Variants in DLG2 observed in about 807,000 individuals in gnomAD.
The protein encoded by DLG2 is disks large homolog 2.
In DLG2, 45 loss-of-function variants were observed where a neutral mutation model predicts 132.5. The ratio of observed to expected loss-of-function variants is 0.34; its 90% confidence interval spans 0.27 to 0.44. DLG2 has a LOEUF of 0.44. DLG2 is among the 20% of genes least tolerant of loss of function. The pLI is 1.00. For synonymous variants in DLG2, 424 were observed against 419.6 expected (o/e 1.01, Z -0.13); for missense variants, 1,045 against 1,196.9 (o/e 0.87, Z 1.87).
intron 6 of DLG2, among the ~76,000 whole-genome samples, chr11:85,032,159 A>G (rs898263173): frequency 6.6e-6 from 1 of 151,990 alleles, no homozygotes; most frequent in Non-Finnish European, 1.5e-5. Flanking sequence ...CAAGTTTATC[A>G]ATGTTGAAGT....
intron 3 of DLG2, among the ~76,000 whole-genome samples, chr11:85,557,454 A>G (rs940160799): frequency 2.0e-5 from 3 of 151,888 alleles, no homozygotes; most frequent in Non-Finnish European, 4.4e-5. Context: ...AGAAAAAACT[A>G]TCCTAAAATT....
chr11:84,327,624 T>TA (rs752741831), intron 7 of DLG2, among the ~76,000 whole-genome samples: 1 of 152,174 alleles, frequency 6.6e-6, no homozygotes, highest in Non-Finnish European at 1.5e-5. Flanking sequence ...GAAGCTTACA[T>TA]AAGACATCTT....
chr11:85,002,828 C>T (rs992667030), intron 6 of DLG2, among the ~76,000 whole-genome samples: 29 of 151,854 alleles, frequency 1.9e-4, no homozygotes, highest in African/African-American at 6.8e-4. Flanking sequence ...CAAGACCGAC[C>T]TTCCTTTTCT....
At chr11:84,520,723 G>A (rs574379862) in intron 7 of DLG2, among the ~76,000 whole-genome samples, 83 of 152,308 alleles carry the variant, frequency 5.4e-4, no homozygotes, top group Admixed American at 9.2e-4. Flanking sequence ...GGAAATAGAA[G>A]TTGAGGTGGA....
chr11:83,576,303 C>A (rs537494011), intron 19 of DLG2, among the ~76,000 whole-genome samples: 2 of 152,008 alleles, frequency 1.3e-5, no homozygotes, highest in South Asian at 2.1e-4. Context: ...ACTAATAGAC[C>A]TCTAATTGGA....
Position 83,466,779 on chromosome 11 carries a change from G to C in DLG2, c.2658C>G (p.Ile886Met), listed in dbSNP as rs1306114098. ...HCILDVSGNA[I>M]KRLQVAQLYP... ...AGAGCTGGGCAACTTGTAACCGCTT[G>C]ATAGCATTTCCTGATACATCAAGTA... The change falls in exon 26 of 28, where the codon ATC becomes ATG. Residue 886 changes from isoleucine to methionine, a missense_variant. Around this residue, in one of 4 missense-constraint regions of DLG2, gnomAD observed 398 missense variants for 543.6 expected, o/e 0.73. Transcript: ENST00000376104. 1 of 1,613,726 alleles carries C rather than the reference G, an allele frequency of 6.2e-7. No homozygotes were observed. The highest frequency in any genetic ancestry group is 8.5e-7 in the Non-Finnish European group (1 of 1,179,690).
intron 6 of DLG2, among the ~76,000 whole-genome samples, chr11:84,981,267 G>A (rs910105755): frequency 2.0e-5 from 3 of 152,112 alleles, no homozygotes; most frequent in Admixed American, 2.0e-4. Flanking sequence ...ATTACTATCT[G>A]TGCAGAAAGA....
intron 19 of DLG2, among the ~76,000 whole-genome samples, chr11:83,573,483 A>G (rs2096831222): frequency 1.3e-5 from 2 of 152,156 alleles, no homozygotes. Flanking sequence ...TACTAAAATG[A>G]TTCTGATGAA....
intron 7 of DLG2, among the ~76,000 whole-genome samples, chr11:84,527,986 T>C (rs566362000): frequency 1.3e-4 from 20 of 150,500 alleles, no homozygotes; most frequent in African/African-American, 3.4e-4. Context: ...GGCCCCATAG[T>C]TTTAAGTTTG....
At chr11:83,652,741 G>A (rs2070972894) in intron 18 of DLG2, among the ~76,000 whole-genome samples, 1 of 152,146 alleles carries the variant, frequency 6.6e-6, no homozygotes, top group Non-Finnish European at 1.5e-5. Flanking sequence ...TGACACCTGA[G>A]GGTAGCCCTT....
chr11:83,569,643 G>C (rs1474872452), intron 19 of DLG2, among the ~76,000 whole-genome samples: 3 of 152,210 alleles, frequency 2.0e-5, no homozygotes, highest in Non-Finnish European at 4.4e-5. Context: ...GAGGCAGAGA[G>C]AGTCAAACCC....
chr11:84,825,435 C>T (rs1392432686), intron 6 of DLG2, among the ~76,000 whole-genome samples: 1 of 151,748 alleles, frequency 6.6e-6, no homozygotes, highest in African/African-American at 2.4e-5. Context: ...TTTTAATGAC[C>T]CTGTTTCTTC....
At chr11:85,496,710 T>C (rs1192661372) in intron 3 of DLG2, among the ~76,000 whole-genome samples, 4 of 152,050 alleles carry the variant, frequency 2.6e-5, no homozygotes, top group Non-Finnish European at 5.9e-5. Flanking sequence ...CCCTCTCAGA[T>C]GAAGCTCTCA....
At chr11:85,210,611 G>C (rs1268440941) in intron 4 of DLG2, among the ~76,000 whole-genome samples, 1 of 151,952 alleles carries the variant, frequency 6.6e-6, no homozygotes, top group East Asian at 1.9e-4. Flanking sequence ...GAACTTTCTT[G>C]GGGAGCAAAT....
intron 7 of DLG2, among the ~76,000 whole-genome samples, chr11:84,403,933 T>C (rs186412101): frequency 2.6e-5 from 4 of 152,328 alleles, no homozygotes; most frequent in African/African-American, 9.6e-5. Context: ...CCATTCATCC[T>C]TTTCCAACAT....
chr11:84,537,458 T>C (rs1453656363), intron 6 of DLG2, among the ~76,000 whole-genome samples: 1 of 152,216 alleles, frequency 6.6e-6, no homozygotes, highest in Non-Finnish European at 1.5e-5. Flanking sequence ...AAAATAAATA[T>C]AAACAAACTA....
At chr11:84,862,623 T>C (rs972611476) in intron 6 of DLG2, among the ~76,000 whole-genome samples, 3 of 151,932 alleles carry the variant, frequency 2.0e-5, no homozygotes, top group East Asian at 1.9e-4. Flanking sequence ...ATAGACACCA[T>C]AGAATAGCAT....
intron 19 of DLG2, among the ~76,000 whole-genome samples, chr11:83,588,077 A>T (rs1593891375): frequency 6.6e-6 from 1 of 152,208 alleles, no homozygotes; most frequent in Non-Finnish European, 1.5e-5. Context: ...GCCATTGCCC[A>T]GGCTTGATTA....
chr11:85,054,956 C>T (rs541894943), intron 6 of DLG2, among the ~76,000 whole-genome samples: 47 of 152,214 alleles, frequency 3.1e-4, no homozygotes, highest in African/African-American at 1.1e-3. Flanking sequence ...AGTACGAACG[C>T]AGCATCATGC....
Sources: gnomAD v4.1 joint callset for allele counts (sites outside exome capture counted in the v4.1 genomes callset) on GRCh38, gnomAD v4.1.1 for gene constraint, gnomAD v4.1.1 regional missense constraint, MANE v1.5 for transcripts, NCBI Gene and HGNC (gene_info 2026-07-23, HGNC 2026-07-21) for gene names.